The following ZNF546 variants were observed in gnomAD, a reference collection of about 807,000 sequenced individuals.
ZNF546 encodes the protein zinc finger protein 546, also known as CTC-471F3.6.
In ZNF546, 60 loss-of-function variants were observed where a neutral mutation model predicts 76.2. The ratio of observed to expected loss-of-function variants is 0.79; its 90% CI spans 0.64 to 0.98. The LOEUF is 0.98. Among genes scored for constraint, ZNF546 ranks in the 50% least tolerant of loss-of-function variants. The probability of loss-of-function intolerance (pLI) is 0.00; values close to 1 mark genes in which losing one functional copy is unlikely to be tolerated. For missense variants in ZNF546, 936 were observed against 1,035.6 expected (o/e 0.90, Z 1.32); for synonymous variants, 277 against 328.1 (o/e 0.84, Z 1.68).
rs1157483000 is a variant in ZNF546 at position 40,014,941 on chromosome 19, A to G, written c.1671A>G (p.Glu557=). ...HTCEKPYECK[E]CGKAFIHSNQ... The stretch of plus-strand genomic sequence containing the variant: ...GTGAGAAACCCTATGAATGTAAGGA[A>G]TGTGGGAAGGCTTTTATTCATAGCA... The change falls in exon 7 of 7, where the codon GAA becomes GAG. Residue 557 remains glutamate, a synonymous_variant. Transcript: ENST00000347077. The G allele has an allele frequency of 6.2e-7, 1 of 1,614,050 alleles. No individual in the cohort carries two copies. The highest frequency in any genetic ancestry group is 1.3e-5 in the African/African-American group (1 of 74,944).
intron 3 of ZNF546, 184 bp downstream of exon 3, chr19:39,998,594 A>T: frequency 1.8e-6 from 1 of 559,484 alleles, no homozygotes. Flanking sequence ...CCTGCTTTTA[A>T]GGCTTTTAGA....
In ZNF546 at chr19:40,015,238, CAG is replaced by C. The variant is rs1198717974; in HGVS notation, c.1970_1971del (p.Arg657AsnfsTer5). On this transcript the variant is annotated frameshift_variant, in exon 7 of 7. Coordinates refer to ENST00000347077, the MANE Select transcript of ZNF546 (RefSeq NM_178544.5). LOFTEE classifies it high-confidence loss of function. ...IRSTHLTQHH[R>X]IHTGEKPYEC... ...GTAGCACTCATCTCACGCAACATCA[CAG>C]AATTCATACTGGTGAGAAACCCTAC... 6.2e-7 allele frequency: 1 copy of C among 1,613,750 alleles called. No individual in the cohort carries two copies.
In ZNF546 at chr19:40,014,163, T is replaced by A. The variant is rs17710336; in HGVS notation, c.893T>A (p.Val298Glu). The change falls in exon 7 of 7, where the codon GTG becomes GAG. Residue 298 changes from valine (V) to glutamate (E), a missense_variant. Transcript: ENST00000347077. ...LTEHQRIHSG[V>E]KPYECKECGK... is the part of the protein sequence containing the mutation. ...GAACATCAGAGAATACATTCTGGTG[T>A]GAAACCCTACGAGTGTAAGGAATGT... 6.2e-7 allele frequency: 1 copy of A among 1,609,778 alleles called. No individual in the cohort carries two copies. The highest frequency in any genetic ancestry group is 8.5e-7 in the Non-Finnish European group (1 of 1,178,682).
rs768932368 is a variant in ZNF546 at position 40,013,924 on chromosome 19, A to G, written c.654A>G (p.Glu218=). The G allele has an allele frequency of 1.2e-6, 2 of 1,609,298 alleles. No homozygotes were observed. Among genetic ancestry groups the G allele is most frequent in the South Asian group, 1.1e-5 (1 of 90,254 alleles). The change falls in exon 7 of 7, where the codon GAA becomes GAG. Residue 218 remains glutamate, a synonymous_variant. Transcript: ENST00000347077. ...TTCATGCTAGAGAGAAATCATATGA[A>G]TGTAAGGAATGTAGAAAGGCCTTTA... ...PKIHAREKSY[E]CKECRKAFRQ...
At chr19:40,009,711 T>C (rs919573244) in intron 6 of ZNF546, among the ~76,000 whole-genome samples, 2 of 152,190 alleles carry the variant, frequency 1.3e-5, no homozygotes, top group Non-Finnish European at 2.9e-5. Flanking sequence ...TTAGTTTTCA[T>C]TTTCTAGAAT....
rs547644445 is a variant in ZNF546 at position 40,019,987 on chromosome 19, T to C, written c.*4206T>C. The C allele has an allele frequency of 6.6e-6, 1 of 152,310 alleles. No individual in the cohort carries two copies. Among genetic ancestry groups the C allele is most frequent in the African/African-American group, 2.4e-5 (1 of 41,568 alleles). The allele number at this position is 152,310 out of a possible 1,614,324, so 9.4% of individuals were successfully genotyped here. On this transcript the variant is annotated 3_prime_UTR_variant, in exon 7 of 7. Coordinates refer to ENST00000347077, the MANE Select transcript of ZNF546 (RefSeq NM_178544.5). Reference sequence around the variant, plus strand: ...TTTTCACATATTTGAAATCAAGGTGTATCTTACAATTTATGGCATCTGACA... The same window carrying C: ...TTTTCACATATTTGAAATCAAGGTGCATCTTACAATTTATGGCATCTGACA...
Position 40,015,087 on chromosome 19 carries a change from A to G in ZNF546, c.1817A>G (p.Glu606Gly). 6.2e-7 allele frequency: 1 copy of G among 1,614,086 alleles called. No individual in the cohort carries two copies. The highest frequency in any genetic ancestry group is 8.5e-7 in the Non-Finnish European group (1 of 1,179,950). ...CAACATTTTAAAATTCATACTGGTG[A>G]AAAACCCTACATATGTAATGAATGT... The part of the protein sequence containing the change: ...LTQHFKIHTG[E>G]KPYICNECGK... Residue 606 changes from glutamate (E) to glycine (G), a missense_variant, in exon 7 of 7, where the codon GAA (glutamate) becomes GGA (glycine). Transcript: ENST00000347077.
Position 40,016,898 on chromosome 19 carries a change from G to A in ZNF546, c.*1117G>A, listed in dbSNP as rs944264106. On this transcript the variant is annotated 3_prime_UTR_variant, in exon 7 of 7. Transcript: ENST00000347077. Reference sequence around the variant, plus strand: ...CCCCTGTGCCTTGGTTTTTAAAATGGTAATAACAGTACCACCTAATAGTAT... The same window carrying A: ...CCCCTGTGCCTTGGTTTTTAAAATGATAATAACAGTACCACCTAATAGTAT... 9 of 152,150 alleles carry A rather than the reference G, an allele frequency of 5.9e-5. No individual in the cohort carries two copies. Among genetic ancestry groups the A allele is most frequent in the African/African-American group, 2.2e-4 (9 of 41,410 alleles). The allele number at this position is 152,150 out of a possible 1,614,324, so 9.4% of individuals were successfully genotyped here. A position where few individuals can be genotyped will look rare whatever the true frequency, so the allele number is the denominator to read the frequency against.
intron 6 of ZNF546, among the ~76,000 whole-genome samples, chr19:40,009,713 T>A (rs951127402): frequency 1.3e-5 from 2 of 152,188 alleles, no homozygotes; most frequent in Non-Finnish European, 2.9e-5. Flanking sequence ...AGTTTTCATT[T>A]TCTAGAATTT....
At chr19:40,003,984 C>T (rs1971563878) in intron 3 of ZNF546, among the ~76,000 whole-genome samples, 1 of 147,290 alleles carries the variant, frequency 6.8e-6, no homozygotes, top group South Asian at 2.1e-4. Flanking sequence ...TACACTCCAG[C>T]CTGGGTGACA....
In ZNF546 at chr19:40,014,536, T is replaced by C. The variant is rs1410570309; in HGVS notation, c.1266T>C (p.Phe422=). 3 of 1,614,002 alleles carry C rather than the reference T, an allele frequency of 1.9e-6. No individual in the cohort carries two copies. The highest frequency in any genetic ancestry group is 1.7e-6 in the Non-Finnish European group (2 of 1,180,036). ...AATGTAAAGAATGTGGTAAGTCCTT[T>C]AGTTTTCATGCAGAACTTGCTCGAC... is the stretch of plus-strand genomic sequence containing the variant. ...PYECKECGKS[F]SFHAELARHR... Residue 422 remains phenylalanine (F), a synonymous_variant, in exon 7 of 7, where the codon TTT becomes TTC. Transcript: ENST00000347077.
chr19:39,999,254 T>C (rs1971495627), intron 3 of ZNF546, among the ~76,000 whole-genome samples: 2 of 152,240 alleles, frequency 1.3e-5, no homozygotes, highest in South Asian at 4.1e-4. Context: ...TCACCTGGCT[T>C]GTGTATTAAG....
intron 3 of ZNF546, among the ~76,000 whole-genome samples, chr19:40,002,177 ATAGT>A (rs2144637709): frequency 6.6e-6 from 1 of 152,348 alleles, no homozygotes; most frequent in Admixed American, 6.5e-5. Flanking sequence ...ATGGACCAAT[ATAGT>A]TAGTATTAGT....
rs921555524 is a variant in ZNF546, at chr19:40,017,340, T to G, written c.*1559T>G. On this transcript the variant is annotated 3_prime_UTR_variant, in exon 7 of 7. Coordinates refer to ENST00000347077, the MANE Select transcript of ZNF546 (RefSeq NM_178544.5). ...CGCTTTTTCTGCCCACAATGATAAA[T>G]TAAAAACAGCCACTATCCATTTGGA... 3 of 152,070 alleles carry G rather than the reference T, an allele frequency of 2.0e-5. No individual in the cohort carries two copies. Among genetic ancestry groups the G allele is most frequent in the African/African-American group, 7.3e-5 (3 of 41,338 alleles). 9.4% of individuals were successfully genotyped at this position (152,070 alleles called of 1,614,324 possible).
At position 40,015,023 on chromosome 19, in the gene ZNF546, G is replaced by C. The variant is rs753630526; in HGVS notation, c.1753G>C (p.Glu585Gln). The change falls in exon 7 of 7, where the codon GAA becomes CAA. Residue 585 changes from glutamate to glutamine, a missense_variant. Physicochemically the swap from Glu to Gln is conservative, Grantham distance 29 (BLOSUM62 2). Transcript: ENST00000347077. The stretch of plus-strand genomic sequence containing the variant: ...CAGTGAGAGCACCTACATATGTAAA[G>C]AATGTGGGAAGATTTTTAGTCGTCG... ...HTSESTYICK[E>Q]CGKIFSRRYN... 1 of 1,614,002 alleles carries C rather than the reference G, an allele frequency of 6.2e-7. No individual in the cohort carries two copies. Among genetic ancestry groups the C allele is most frequent in the African/African-American group, 1.3e-5 (1 of 74,916 alleles).
At chr19:40,006,582 G>A (rs1381670564) in intron 4 of ZNF546, among the ~76,000 whole-genome samples, 1 of 152,208 alleles carries the variant, frequency 6.6e-6, no homozygotes. Flanking sequence ...AGTGACATCA[G>A]TGTCATTGTG....
chr19:40,015,177 C>T lies in ZNF546; in HGVS notation c.1907C>T (p.Pro636Leu). Residue 636 changes from proline (P) to leucine (L), a missense_variant, in exon 7 of 7, where the codon CCC becomes CTC. Pro to Leu is a moderately conservative substitution (Grantham distance 98). Transcript: ENST00000347077. ...CACAGAATTCATACTGGTGAAAAAC[C>T]CTATAAATGTACAGAATGTGGGAAG... ...QHHRIHTGEK[P>L]YKCTECGKAF... is the part of the protein sequence containing the mutation. The T allele has an allele frequency of 6.2e-7, 1 of 1,613,958 alleles. No individual in the cohort carries two copies. The highest frequency in any genetic ancestry group is 8.5e-7 in the Non-Finnish European group (1 of 1,180,014).
At position 40,014,188 on chromosome 19, in the gene ZNF546, TG is replaced by T. The variant is rs746150300; in HGVS notation, c.921del (p.Ala309ProfsTer36). ...GVKPYECKECGKAFSRVRDLR... is the reference protein window; with the variant it reads ...GVKPYECKECXKAFSRVRDLR... ...TGAAACCCTACGAGTGTAAGGAATG[TG>T]GGAAAGCCTTTAGTCGTGTTAGAGA... is the stretch of plus-strand genomic sequence containing the variant. On this transcript the variant is annotated frameshift_variant, in exon 7 of 7. Coordinates refer to ENST00000347077, the MANE Select transcript of ZNF546 (RefSeq NM_178544.5). LOFTEE classifies it high-confidence loss of function. 5.6e-6 allele frequency: 9 copies of T among 1,613,832 alleles called. No individual in the cohort carries two copies. Among genetic ancestry groups the T allele is most frequent in the Non-Finnish European group, 6.8e-6 (8 of 1,179,836 alleles).
At position 40,016,193 on chromosome 19, in the gene ZNF546, T is replaced by G; in HGVS notation, c.*412T>G. On this transcript the variant is annotated 3_prime_UTR_variant, in exon 7 of 7. Coordinates refer to ENST00000347077, the MANE Select transcript of ZNF546 (RefSeq NM_178544.5). ...ATGATTGTGCCACTGCACTCCAGCT[T>G]GGTGACAGAGTGAGATCCTGTCTCT... The G allele has an allele frequency of 3.0e-5, 6 of 196,968 alleles. No individual in the cohort carries two copies. The highest frequency in any genetic ancestry group is 6.3e-5 in the Non-Finnish European group (6 of 95,406). The allele number at this position is 196,968 out of a possible 1,614,324, so 12.2% of individuals were successfully genotyped here.
Sources: allele counts gnomAD v4.1 joint callset (sites outside exome capture counted in the v4.1 genomes callset), GRCh38; gene constraint gnomAD v4.1.1; transcripts MANE v1.5; gene names NCBI Gene and HGNC (gene_info 2026-07-23, HGNC 2026-07-21).